IQGAP1: variants seen among roughly 807,000 people sequenced by gnomAD.
The protein encoded by IQGAP1 is ras GTPase-activating-like protein IQGAP1.
A neutral mutation model predicts 215.6 loss-of-function variants in IQGAP1; 66 were observed. The ratio of observed to expected loss-of-function variants is 0.31; its 90% CI spans 0.25 to 0.38. IQGAP1 has a LOEUF of 0.38. Among genes scored for constraint, IQGAP1 ranks in the 10% least tolerant of loss-of-function variants. The pLI is 1.00. For synonymous variants in IQGAP1, 772 were observed against 728.7 expected (o/e 1.06, Z -0.96); for missense variants, 1,712 against 1,997.1 (o/e 0.86, Z 2.72).
chr15:90,451,514 A>T (rs1596273176), intron 11 of IQGAP1, among the ~76,000 whole-genome samples: 1 of 152,286 alleles, frequency 6.6e-6, no homozygotes, highest in East Asian at 1.9e-4. Context: ...GCAAGAGCTC[A>T]CTACCATGAG....
Position 90,388,302 on chromosome 15 carries a change from G to T in IQGAP1, c.-40G>T, listed in dbSNP as rs771211561. 7.5e-6 allele frequency: 12 copies of T among 1,597,942 alleles called. No individual in the cohort carries two copies. Among genetic ancestry groups the T allele is most frequent in the Admixed American group, 3.4e-5 (2 of 59,482 alleles). On this transcript the variant is annotated 5_prime_UTR_variant, in exon 1 of 38. Transcript: ENST00000268182. ...AGCTACCGCCGTCCGCGCCTCCAAG[G>T]TTTCACGGCTTCCTCAGCAGAGACT...
chr15:90,472,006 T>G (rs1332205133), intron 18 of IQGAP1, among the ~76,000 whole-genome samples: 1 of 152,234 alleles, frequency 6.6e-6, no homozygotes, highest in Non-Finnish European at 1.5e-5. Flanking sequence ...TTGGTTGAAG[T>G]CTCTTCTCAC....
At position 90,476,997 on chromosome 15, in the gene IQGAP1, T is replaced by G; in HGVS notation, c.2941-70T>G. 2.0e-6 allele frequency: 3 copies of G among 1,477,904 alleles called. No homozygotes were observed. In the South Asian group the frequency reaches 3.6e-5, roughly 18 times the overall value. 91.5% of individuals were successfully genotyped at this position (1,477,904 alleles called of 1,614,324 possible). ...CATATGTATTGTAGTCCTTCAATTT[T>G]AAATAATTGAATATATCTTGCCAGC... On this transcript the variant is annotated intron_variant, in intron 24 of 37. Transcript: ENST00000268182.
chr15:90,421,084 C>G (rs896147804), intron 2 of IQGAP1, among the ~76,000 whole-genome samples: 30 of 152,338 alleles, frequency 2.0e-4, no homozygotes, highest in Middle Eastern at 3.4e-3. Context: ...TTGCAATGAG[C>G]TGAGATCGTG....
At chr15:90,427,973 A>G (rs1445138489) in intron 3 of IQGAP1, among the ~76,000 whole-genome samples, 1 of 152,220 alleles carries the variant, frequency 6.6e-6, no homozygotes, top group Non-Finnish European at 1.5e-5. Flanking sequence ...GAAAACAAGG[A>G]ACGGTATAGG....
rs566736775 is a variant in IQGAP1, at chr15:90,477,568, A to G, written c.3105-97A>G. 140 of 903,556 alleles carry G rather than the reference A, an allele frequency of 1.5e-4. No homozygotes were observed. The East Asian group carries it at 2.6e-3, about 17-fold the overall frequency. 56.0% of individuals were successfully genotyped at this position (903,556 alleles called of 1,614,324 possible). ...TGTGAGTGCTGGGGAATGTTTCGAG[A>G]GAAACTGTTTCAGGGAGATAGGATC... On this transcript the variant is annotated intron_variant, in intron 25 of 37. Coordinates refer to ENST00000268182, the MANE Select transcript of IQGAP1 (RefSeq NM_003870.4).
chr15:90,437,106 C>A lies in IQGAP1; in HGVS notation c.468-2226C>A, dbSNP rs536659100. On this transcript the variant is annotated intron_variant, in intron 5 of 37. Transcript: ENST00000268182. ...TGGGGAGACCTCCTCAGGAAACTTA[C>A]AATCATGGTAGAAGACAAAGAGGAA... Among the ~76,000 whole-genome samples the A allele has an allele frequency of 5.3e-5, 8 of 152,284 alleles. No individual in the cohort carries two copies. The South Asian group carries it at 1.2e-3, about 24-fold the overall frequency.
chr15:90,421,189 C>G (rs1231336386), intron 2 of IQGAP1, among the ~76,000 whole-genome samples: 4 of 146,590 alleles, frequency 2.7e-5, no homozygotes, highest in Non-Finnish European at 6.0e-5. Flanking sequence ...TATAAAAAAG[C>G]TAGAGGCTGG....
chr15:90,481,785 T>C (rs1311856558), intron 26 of IQGAP1, among the ~76,000 whole-genome samples, 175 bp from the exon 27 acceptor site: 2 of 152,238 alleles, frequency 1.3e-5, no homozygotes, highest in African/African-American at 4.8e-5. Context: ...GGCACCTGAT[T>C]CACAGTTAAA....
intron 2 of IQGAP1, chr15:90,391,226 C>G (rs776185329): frequency 3.0e-5 from 5 of 164,196 alleles, no homozygotes; most frequent in Non-Finnish European, 6.6e-5. Context: ...TGACAAAACT[C>G]CTGTTTTTGG....
chr15:90,421,049 A>T (rs1965127643), intron 2 of IQGAP1, among the ~76,000 whole-genome samples: 1 of 152,210 alleles, frequency 6.6e-6, no homozygotes, highest in South Asian at 2.1e-4. Context: ...AGACGGGAGA[A>T]TTGCTTGAAC....
intron 2 of IQGAP1, among the ~76,000 whole-genome samples, chr15:90,401,294 G>A (rs982340003): frequency 1.3e-5 from 2 of 152,154 alleles, no homozygotes; most frequent in Non-Finnish European, 2.9e-5. Context: ...ATTTTGAAGA[G>A]TAAGAGTTTA....
Position 90,473,807 on chromosome 15 carries a change from G to C in IQGAP1, c.2433+9G>C, listed in dbSNP as rs1965938687. ...AAGATGAAGTTGTAAAGGTATGGTA[G>C]CCTGAACAGGGTTTCTCCATGAGGG... On this transcript the variant is annotated intron_variant, in intron 20 of 37. Coordinates refer to ENST00000268182, the MANE Select transcript of IQGAP1 (RefSeq NM_003870.4). 6.2e-7 allele frequency: 1 copy of C among 1,612,202 alleles called. No homozygotes were observed. The highest frequency in any genetic ancestry group is 1.1e-5 in the South Asian group (1 of 90,992).
chr15:90,483,637 T>C (rs1436999565), intron 29 of IQGAP1, 44 bp downstream of exon 29: 5 of 1,372,834 alleles, frequency 3.6e-6, no homozygotes, highest in South Asian at 1.2e-5. Flanking sequence ...TGTGGATGTA[T>C]TTTTATTGTT....
At chr15:90,475,461 G>A (rs1399465417) in intron 23 of IQGAP1, among the ~76,000 whole-genome samples, 1 of 151,498 alleles carries the variant, frequency 6.6e-6, no homozygotes, top group East Asian at 2.0e-4. Flanking sequence ...AAAAAGTTAT[G>A]TAAGACAGGT....
In IQGAP1 at chr15:90,487,524, G is replaced by A. The variant is rs758482491; in HGVS notation, c.4190G>A (p.Arg1397Gln). The A allele has an allele frequency of 3.1e-6, 5 of 1,613,986 alleles. No individual in the cohort carries two copies. Among genetic ancestry groups the A allele is most frequent in the African/African-American group, 2.7e-5 (2 of 75,030 alleles). The stretch of plus-strand genomic sequence containing the variant: ...AAACGTTTAATTGTGGATGTCATCC[G>A]GTTCCAGCCAGGAGAGACCTTGACT... ...NTKRLIVDVI[R>Q]FQPGETLTEI... is the part of the protein sequence containing the mutation. The change falls in exon 33 of 38, where the codon CGG becomes CAG. Residue 1397 changes from arginine (R) to glutamine (Q), a missense_variant. Transcript: ENST00000268182.
chr15:90,404,867 C>T (rs1964856163), intron 2 of IQGAP1, among the ~76,000 whole-genome samples: 1 of 152,164 alleles, frequency 6.6e-6, no homozygotes, highest in African/African-American at 2.4e-5. Context: ...AGCCAAGAGC[C>T]ACCTCACCTG....
chr15:90,466,525 G>A, intron 17 of IQGAP1, 89 bp downstream of exon 17: 4 of 1,293,234 alleles, frequency 3.1e-6, no homozygotes, highest in Non-Finnish European at 4.4e-6. Context: ...AAGCTATAGG[G>A]AAAGACCTTT....
At chr15:90,449,927 C>G (rs551062568) in intron 11 of IQGAP1, among the ~76,000 whole-genome samples, 2 of 152,298 alleles carry the variant, frequency 1.3e-5, no homozygotes, top group South Asian at 2.1e-4. Context: ...TATTTTGATA[C>G]ATGCATACAA....
Sources: gnomAD v4.1 joint callset for allele counts (sites outside exome capture counted in the v4.1 genomes callset) on GRCh38, gnomAD v4.1.1 for gene constraint, MANE v1.5 for transcripts, NCBI Gene and HGNC (gene_info 2026-07-23, HGNC 2026-07-21) for gene names.